The following KHDRBS3 variants were observed in gnomAD, a reference collection of about 807,000 sequenced individuals.
KHDRBS3 encodes the protein KH domain-containing, RNA-binding, signal transduction-associated protein 3.
In KHDRBS3, 23 loss-of-function variants were observed where a neutral mutation model predicts 45.6. The ratio of observed to expected loss-of-function variants is 0.50; its 90% CI spans 0.36 to 0.72. The LOEUF is 0.72. KHDRBS3 is among the 30% of genes least tolerant of loss of function. The pLI is 0.00. For missense variants in KHDRBS3, 352 were observed against 424.8 expected (o/e 0.83, Z 1.51); for synonymous variants, 162 against 156.5 (o/e 1.04, Z -0.26).
chr8:135,578,172 C>T (rs1356448315), intron 5 of KHDRBS3, among the ~76,000 whole-genome samples: 4 of 152,064 alleles, frequency 2.6e-5, no homozygotes, highest in African/African-American at 9.7e-5. Context: ...ATATTTTCTT[C>T]CTTTCTGTGG....
chr8:135,482,030 T>G (rs1306055667), intron 1 of KHDRBS3, among the ~76,000 whole-genome samples: 2 of 152,242 alleles, frequency 1.3e-5, no homozygotes, highest in African/African-American at 2.4e-5. Context: ...TCCTTGATAC[T>G]GTTAAATGGG....
At chr8:135,645,850 C>T (rs537763078) in intron 8 of KHDRBS3, among the ~76,000 whole-genome samples, 4 of 152,230 alleles carry the variant, frequency 2.6e-5, no homozygotes, top group South Asian at 4.1e-4. Flanking sequence ...CCCTGGTACC[C>T]GGTGCAAGTA....
intron 1 of KHDRBS3, among the ~76,000 whole-genome samples, chr8:135,470,227 G>A (rs1043948740): frequency 6.6e-6 from 1 of 152,144 alleles, no homozygotes; most frequent in Non-Finnish European, 1.5e-5. Context: ...AGGAAACCGA[G>A]CAGGCTTCTT....
chr8:135,617,209 AT>A (rs993232060), intron 7 of KHDRBS3, among the ~76,000 whole-genome samples: 4 of 151,734 alleles, frequency 2.6e-5, no homozygotes, highest in Admixed American at 2.6e-4. Context: ...CATTGTAAGC[AT>A]TTTATGGCCT....
In KHDRBS3 at chr8:135,647,051, C is replaced by A. The variant is rs144732287; in HGVS notation, c.1008C>A (p.Gly336=). ...HKAPSARTAK[G]VYRDQPYGRY ...CACCTTCAGCGAGGACAGCAAAGGG[C>A]GTCTACAGAGACCAGCCATATGGCA... The change falls in exon 9 of 9, where the codon GGC becomes GGA. Residue 336 remains glycine, a synonymous_variant. Coordinates refer to ENST00000355849, the MANE Select transcript of KHDRBS3 (RefSeq NM_006558.3). The A allele has an allele frequency of 3.9e-5, 62 of 1,608,452 alleles. No individual in the cohort carries two copies. In the African/African-American group the frequency reaches 4.4e-4, roughly 11 times the overall value.
intron 1 of KHDRBS3, among the ~76,000 whole-genome samples, chr8:135,465,083 G>T (rs548439606): frequency 6.6e-6 from 1 of 152,330 alleles, no homozygotes; most frequent in African/African-American, 2.4e-5. Flanking sequence ...CTGACCAGTG[G>T]CAACATCTGG....
At chr8:135,465,095 A>G (rs111308101) in intron 1 of KHDRBS3, among the ~76,000 whole-genome samples, 20 of 152,354 alleles carry the variant, frequency 1.3e-4, no homozygotes, top group Middle Eastern at 3.4e-3. Flanking sequence ...AACATCTGGT[A>G]GGTAGCATTT....
intron 1 of KHDRBS3, among the ~76,000 whole-genome samples, chr8:135,520,283 G>T (rs768061678): frequency 3.3e-5 from 5 of 152,138 alleles, no homozygotes; most frequent in Admixed American, 6.5e-5. Flanking sequence ...CTGAACCTGG[G>T]TGTCTATAGG....
chr8:135,478,416 A>G (rs1345323444), intron 1 of KHDRBS3, among the ~76,000 whole-genome samples: 24 of 152,238 alleles, frequency 1.6e-4, no homozygotes, highest in Admixed American at 9.2e-4. Context: ...TGATGTATAC[A>G]ACAACTAGGT....
chr8:135,589,098 A>C (rs1828621552), intron 6 of KHDRBS3, among the ~76,000 whole-genome samples: 1 of 152,082 alleles, frequency 6.6e-6, no homozygotes, highest in Non-Finnish European at 1.5e-5. Context: ...TTTGTGCACT[A>C]TTTTATTCCC....
Position 135,647,019 on chromosome 8 carries a change from C to T in KHDRBS3, c.976C>T (p.His326Tyr). Residue 326 changes from histidine to tyrosine, a missense_variant, in exon 9 of 9, where the codon CAC (histidine) becomes TAC (tyrosine). By Grantham distance (83) the His-to-Tyr change is moderately conservative. This residue lies in a region of KHDRBS3 where 212 missense variants were observed against 209.6 expected (regional missense o/e 1.01). Transcript: ENST00000355849. The part of the protein sequence containing the change: ...YGQEEWTNSR[H>Y]KAPSARTAKG... ...GCAAGAAGAGTGGACTAACTCAAGA[C>T]ACAAGGCACCTTCAGCGAGGACAGC... 6.2e-7 allele frequency: 1 copy of T among 1,607,194 alleles called. No individual in the cohort carries two copies. Among genetic ancestry groups the T allele is most frequent in the Non-Finnish European group, 8.5e-7 (1 of 1,173,790 alleles).
At chr8:135,495,474 G>T (rs1419997879) in intron 1 of KHDRBS3, among the ~76,000 whole-genome samples, 1 of 152,166 alleles carries the variant, frequency 6.6e-6, no homozygotes, top group Non-Finnish European at 1.5e-5. Context: ...ATTAGAGGTA[G>T]GGGAAATATA....
chr8:135,463,073 T>G (rs779062261), intron 1 of KHDRBS3, among the ~76,000 whole-genome samples: 2 of 152,216 alleles, frequency 1.3e-5, no homozygotes, highest in African/African-American at 2.4e-5. Context: ...TTTTCTGGTG[T>G]CACATAACAC....
At chr8:135,490,065 G>A (rs10101094) in intron 1 of KHDRBS3, among the ~76,000 whole-genome samples, 129 of 152,256 alleles carry the variant, frequency 8.5e-4, no homozygotes, top group African/African-American at 2.4e-3. Context: ...CATGCCACAT[G>A]CCATACAGGT....
At position 135,458,011 on chromosome 8, in the gene KHDRBS3, C is replaced by T; in HGVS notation, c.88+57C>T. On this transcript the variant is annotated intron_variant, in intron 1 of 8. Transcript: ENST00000355849. ...GGCGGTTGGGGGCCGGGTGGAAACG[C>T]GGGGGCCCAGGGGGCCCCTCCGTGC... 2.0e-6 allele frequency: 3 copies of T among 1,519,804 alleles called. No individual in the cohort carries two copies. In the South Asian group the frequency reaches 3.7e-5, roughly 19 times the overall value. 94.1% of individuals were successfully genotyped at this position (1,519,804 alleles called of 1,614,324 possible).
chr8:135,589,950 G>A (rs1322508236), intron 6 of KHDRBS3, among the ~76,000 whole-genome samples: 1 of 152,192 alleles, frequency 6.6e-6, no homozygotes, highest in Non-Finnish European at 1.5e-5. Flanking sequence ...GAACTAATAA[G>A]TATGAAAGAC....
At position 135,638,322 on chromosome 8, in the gene KHDRBS3, G is replaced by C. The variant is rs190424385; in HGVS notation, c.891-6737G>C. On this transcript the variant is annotated intron_variant, in intron 7 of 8. Transcript: ENST00000355849. The stretch of plus-strand genomic sequence containing the variant: ...GTAGTCCCACCCTCTGGAGGACCCA[G>C]GAGCCCCCAGAGACAAAGCGTACGT... Among the ~76,000 whole-genome samples the C allele has an allele frequency of 2.6e-5, 4 of 152,170 alleles. No individual in the cohort carries two copies. The East Asian group carries it at 7.7e-4, about 29-fold the overall frequency.
At chr8:135,502,707 C>T (rs988988907) in intron 1 of KHDRBS3, among the ~76,000 whole-genome samples, 1 of 152,108 alleles carries the variant, frequency 6.6e-6, no homozygotes, top group Non-Finnish European at 1.5e-5. Flanking sequence ...TCCAACCCGT[C>T]GAGCTGCTGC....
At chr8:135,641,445 G>A (rs1831055307) in intron 7 of KHDRBS3, among the ~76,000 whole-genome samples, 1 of 152,198 alleles carries the variant, frequency 6.6e-6, no homozygotes, top group African/African-American at 2.4e-5. Flanking sequence ...AGAACATCAA[G>A]GTTGTATTTG....
Sources: allele counts gnomAD v4.1 joint callset (sites outside exome capture counted in the v4.1 genomes callset), GRCh38; gene constraint gnomAD v4.1.1; regional missense constraint gnomAD v4.1.1; transcripts MANE v1.5; gene names NCBI Gene and HGNC (gene_info 2026-07-23, HGNC 2026-07-21).